The following ASAP1 variants were observed in gnomAD, a reference collection of about 807,000 sequenced individuals.
The protein encoded by ASAP1 is arf-GAP with SH3 domain, ANK repeat and PH domain-containing protein 1.
ASAP1 carries 43 observed loss-of-function variants against 145.2 expected under a neutral mutation model. That is an observed-to-expected ratio of 0.30 (90% CI 0.23 to 0.38). The LOEUF is 0.38. ASAP1 is among the 10% of genes least tolerant of loss of function. ASAP1 has a pLI of 1.00. For synonymous variants in ASAP1, 546 were observed against 515.5 expected (o/e 1.06, Z -0.80); for missense variants, 1,018 against 1,355.3 (o/e 0.75, Z 3.91).
chr8:130,115,191 C>G (rs189066238), intron 23 of ASAP1, among the ~76,000 whole-genome samples: 341 of 152,316 alleles, frequency 2.2e-3, no homozygotes, highest in African/African-American at 7.6e-3. Flanking sequence ...GTCAAGGGAA[C>G]TACCCTTCAT....
chr8:130,060,973 T>C lies in ASAP1; in HGVS notation c.2798A>G (p.Lys933Arg). The C allele has an allele frequency of 6.3e-7, 1 of 1,592,468 alleles. No homozygotes were observed. The highest frequency in any genetic ancestry group is 8.5e-7 in the Non-Finnish European group (1 of 1,171,140). The change falls in exon 28 of 30, where the codon AAG (lysine) becomes AGG (arginine). Residue 933 changes from lysine (K) to arginine (R), a missense_variant. Physicochemically the swap from Lys to Arg is conservative, Grantham distance 26. Transcript: ENST00000518721. The stretch of plus-strand genomic sequence containing the variant: ...TGGGGGCAGGTCTCCAGGTGGTGGC[T>C]TTTGTGGCAACTCTGCCAACTGTGA... ...KSSQLAELPQ[K>R]PPPGDLPPKP...
chr8:130,404,254 G>C (rs149332908), intron 1 of ASAP1, among the ~76,000 whole-genome samples: 26 of 152,300 alleles, frequency 1.7e-4, no homozygotes, highest in African/African-American at 6.0e-4. Context: ...AACAGCAATT[G>C]AATCTTCCTG....
intron 1 of ASAP1, among the ~76,000 whole-genome samples, chr8:130,410,404 C>T (rs1020877717): frequency 2.0e-5 from 3 of 152,108 alleles, no homozygotes; most frequent in African/African-American, 7.2e-5. Flanking sequence ...AAGAGAACAA[C>T]GAAATAAACT....
At chr8:130,147,836 C>T (rs1307248379) in intron 13 of ASAP1, among the ~76,000 whole-genome samples, 1 of 152,172 alleles carries the variant, frequency 6.6e-6, no homozygotes, top group Non-Finnish European at 1.5e-5. Context: ...GGATTTCCAA[C>T]CCTTTTGAGT....
rs1214817913 is a variant in ASAP1, at chr8:130,358,846, G to T, written c.60-703C>A. Among the ~76,000 whole-genome samples the T allele has an allele frequency of 1.3e-5, 2 of 151,954 alleles. No homozygotes were observed. Among genetic ancestry groups the T allele is most frequent in the Middle Eastern group, 3.4e-3 (1 of 292 alleles). On this transcript the variant is annotated intron_variant, in intron 2 of 29. Coordinates refer to ENST00000518721, the MANE Select transcript of ASAP1 (RefSeq NM_018482.4). This position sits in a 1 kb window ranked among gnomAD's most constrained non-coding sequence, Gnocchi z 4.1. ...CGGCACGGGGGCTCCGGAAGCCCGA[G>T]TCCCTGGTTCGCCCCCGGAGCGGTT...
intron 11 of ASAP1, chr8:130,160,874 C>A (rs2097667736): frequency 2.7e-6 from 3 of 1,097,720 alleles, no homozygotes; most frequent in Non-Finnish European, 3.6e-6. Flanking sequence ...AAAATGTTAT[C>A]CATAATTTAA....
intron 4 of ASAP1, among the ~76,000 whole-genome samples, chr8:130,236,607 T>A (rs536620488): frequency 6.6e-6 from 1 of 152,254 alleles, no homozygotes; most frequent in African/African-American, 2.4e-5. Flanking sequence ...AGCCACTGAG[T>A]TACAGGTTGA....
chr8:130,365,682 C>A (rs558372424), intron 2 of ASAP1, among the ~76,000 whole-genome samples: 130 of 152,230 alleles, frequency 8.5e-4, no homozygotes, highest in Admixed American at 2.1e-3. Context: ...TTCCAGGGTA[C>A]CATTTTCCAA....
Position 130,101,732 on chromosome 8 carries a change from A to ATTTTTTTTTTTTTTTTTTTTTTTTT in ASAP1, c.2402-9590_2402-9589insAAAAAAAAAAAAAAAAAAAAAAAAA, listed in dbSNP as rs59778799. On this transcript the variant is annotated intron_variant, in intron 24 of 29. Transcript: ENST00000518721. ...AGGCATGTGCTACCACACCTGGTTA[A>ATTTTTTTTTTTTTTTTTTTTTTTTT]TTTTTTTTTTTTTTTTTTTTGCAGA... 6.4e-4 allele frequency among the ~76,000 whole-genome samples: 56 copies of ATTTTTTTTTTTTTTTTTTTTTTTTT among 86,922 alleles called. 7 individuals are homozygous for ATTTTTTTTTTTTTTTTTTTTTTTTT. The highest frequency in any genetic ancestry group is 2.9e-3 in the African/African-American group (52 of 18,090). The allele number at this position is 86,922 out of a possible 152,430, so 57.0% of individuals were successfully genotyped here.
chr8:130,072,488 C>T (rs1243199007), intron 27 of ASAP1, among the ~76,000 whole-genome samples: 2 of 142,144 alleles, frequency 1.4e-5, no homozygotes, highest in Non-Finnish European at 3.1e-5. Context: ...ATTGCGAGGC[C>T]TCCCCTGCCA....
intron 3 of ASAP1, among the ~76,000 whole-genome samples, chr8:130,251,177 G>A (rs1164497339): frequency 6.6e-6 from 1 of 152,154 alleles, no homozygotes; most frequent in Non-Finnish European, 1.5e-5. Context: ...CAGCTCTCTG[G>A]GAGGCTGAGG....
At chr8:130,116,779 T>A (rs750007851) in intron 21 of ASAP1, 34 bp from the exon 22 acceptor site, 8 of 1,604,320 alleles carry the variant, frequency 5.0e-6, no homozygotes, top group Middle Eastern at 1.7e-4. Flanking sequence ...TGCATAATTA[T>A]CTAGGAAACA....
At position 130,172,404 on chromosome 8, in the gene ASAP1, C is replaced by T. The variant is rs141582722; in HGVS notation, c.747-3337G>A. On this transcript the variant is annotated intron_variant, in intron 9 of 29. Transcript: ENST00000518721. ...ATAACTTATCCATGTAACCAAAAAC[C>T]ACCTGTACTCCAGAAACTACTGAAA... Among the ~76,000 whole-genome samples, 3 of 152,186 alleles carry T rather than the reference C, an allele frequency of 2.0e-5. No individual in the cohort carries two copies. The East Asian group carries it at 5.8e-4, about 29-fold the overall frequency.
intron 11 of ASAP1, among the ~76,000 whole-genome samples, chr8:130,167,131 C>T (rs553648844): frequency 6.6e-6 from 1 of 152,056 alleles, no homozygotes; most frequent in African/African-American, 2.4e-5. Context: ...TGGTCAAACT[C>T]CATCTCTACA....
intron 1 of ASAP1, among the ~76,000 whole-genome samples, chr8:130,419,261 T>C (rs1388297536): frequency 1.3e-5 from 2 of 152,240 alleles, no homozygotes; most frequent in African/African-American, 4.8e-5. Flanking sequence ...ATGAAGTACA[T>C]GTGCCCACAG....
chr8:130,137,243 T>C (rs2097597111), intron 13 of ASAP1, among the ~76,000 whole-genome samples: 1 of 152,204 alleles, frequency 6.6e-6, no homozygotes, highest in African/African-American at 2.4e-5. Context: ...TGCCCTCAAA[T>C]ATAAGCTGGT....
At position 130,167,518 on chromosome 8, in the gene ASAP1, A is replaced by G. The variant is rs1044878115; in HGVS notation, c.909+18T>C. 6.2e-7 allele frequency: 1 copy of G among 1,603,852 alleles called. No individual in the cohort carries two copies. Among genetic ancestry groups the G allele is most frequent in the African/African-American group, 1.3e-5 (1 of 74,706 alleles). On this transcript the variant is annotated intron_variant, in intron 11 of 29. Transcript: ENST00000518721. The stretch of plus-strand genomic sequence containing the variant: ...TACCTACACTGTTAGCCCTGTTGTA[A>G]ACATGTAAACCACTTACTTCTTTCT...
intron 3 of ASAP1, among the ~76,000 whole-genome samples, chr8:130,356,933 A>G (rs1362013931): frequency 1.3e-5 from 2 of 152,182 alleles, no homozygotes; most frequent in Non-Finnish European, 2.9e-5. Flanking sequence ...AACCAGCCAC[A>G]GCATAACCCA....
At chr8:130,348,279 A>G (rs941062562) in intron 3 of ASAP1, among the ~76,000 whole-genome samples, 16 of 152,158 alleles carry the variant, frequency 1.1e-4, no homozygotes, top group Non-Finnish European at 1.8e-4. Flanking sequence ...GCCTAGATTG[A>G]CTTAGCCAAC....
Sources: allele counts gnomAD v4.1 joint callset (sites outside exome capture counted in the v4.1 genomes callset), GRCh38; gene constraint gnomAD v4.1.1; non-coding constraint Gnocchi (gnomAD v3.1); transcripts MANE v1.5; gene names NCBI Gene and HGNC (gene_info 2026-07-23, HGNC 2026-07-21).